The following SCG3 variants were observed in gnomAD, a reference collection of about 807,000 sequenced individuals.
SCG3 encodes secretogranin-3.
Under a neutral mutation model 56.2 loss-of-function variants are expected in SCG3, and 38 were observed. The observed-to-expected ratio is 0.68, with a 90% CI of 0.52 to 0.89. The LOEUF (loss-of-function observed/expected upper bound fraction) is 0.89, where lower values mean the gene tolerates loss of function less well. Among genes scored for constraint, SCG3 ranks in the 40% least tolerant of loss-of-function variants. The pLI is 0.00. For synonymous variants in SCG3, 176 were observed against 184.2 expected, an observed-to-expected ratio of 0.96 and a Z score of 0.36; for missense variants, 524 against 540.7, an observed-to-expected ratio of 0.97 and a Z score of 0.31.
chr15:51,712,174 G>T (rs1282944216), intron 10 of SCG3, among the ~76,000 whole-genome samples: 1 of 152,170 alleles, frequency 6.6e-6, no homozygotes, highest in Non-Finnish European at 1.5e-5. Flanking sequence ...ATGCATTTTG[G>T]AGCATAAAGC....
chr15:51,713,697 C>A (rs551653466), intron 11 of SCG3, among the ~76,000 whole-genome samples: 1 of 152,210 alleles, frequency 6.6e-6, no homozygotes, highest in Non-Finnish European at 1.5e-5. Context: ...GTCTCCAGCA[C>A]CCATCTTCAA....
chr15:51,690,158 T>A (rs1457345670), intron 6 of SCG3, among the ~76,000 whole-genome samples: 1 of 152,196 alleles, frequency 6.6e-6, no homozygotes, highest in Non-Finnish European at 1.5e-5. Flanking sequence ...TGCCTAATGC[T>A]GCCTCTCTGT....
At chr15:51,715,023 A>G (rs1454248579) in intron 11 of SCG3, 1 of 152,234 alleles carries the variant, frequency 6.6e-6, no homozygotes, top group Non-Finnish European at 1.5e-5. Flanking sequence ...ACTGTGTGCC[A>G]AAATACATCC....
chr15:51,691,791 G>C (rs752165122), intron 6 of SCG3, among the ~76,000 whole-genome samples: 8 of 152,094 alleles, frequency 5.3e-5, no homozygotes, highest in Non-Finnish European at 8.8e-5. Context: ...CAGCCCTCCT[G>C]GTGGATTCTG....
intron 5 of SCG3, 49 bp downstream of exon 5, chr15:51,688,451 T>C: frequency 6.4e-7 from 1 of 1,569,078 alleles, no homozygotes; most frequent in Non-Finnish European, 8.7e-7. Context: ...CAGTTTAGAG[T>C]ATGCCAAGAA....
At position 51,683,344 on chromosome 15, in the gene SCG3, T is replaced by C. The variant is rs1595826400; in HGVS notation, c.307T>C (p.Leu103=). The C allele has an allele frequency of 8.1e-6, 13 of 1,613,652 alleles. No homozygotes were observed. Among genetic ancestry groups the C allele is most frequent in the African/African-American group, 1.3e-5 (1 of 74,998 alleles). ...SIRSSPLDNK[L]NVEDVDSTKN... Reference sequence around the variant, plus strand: ...AAGAAGCTCCCCACTTGATAATAAGTTGAATGTGGAAGATGTTGATTCAAC... The same window carrying C: ...AAGAAGCTCCCCACTTGATAATAAGCTGAATGTGGAAGATGTTGATTCAAC... Residue 103 remains leucine (L), a synonymous_variant, in exon 4 of 12, where the codon TTG becomes CTG. Transcript: ENST00000220478.
At chr15:51,688,070 A>T (rs1190383122) in intron 4 of SCG3, among the ~76,000 whole-genome samples, 190 bp from the exon 5 acceptor site, 1 of 152,210 alleles carries the variant, frequency 6.6e-6, no homozygotes, top group Non-Finnish European at 1.5e-5. Context: ...AATGTCCATT[A>T]TCATACTAAG....
rs1164187893 is a variant in SCG3, at chr15:51,708,812, C to T, written c.1208-4521C>T. Among the ~76,000 whole-genome samples the T allele has an allele frequency of 4.0e-5, 6 of 151,702 alleles. 1 individual carries two copies. Among genetic ancestry groups the T allele is most frequent in the Admixed American group, 3.9e-4 (6 of 15,230 alleles). On this transcript the variant is annotated intron_variant, in intron 10 of 11. Transcript: ENST00000220478. ...AGGCGGAGTTTGCGGTGAGCCGAGA[C>T]TGCACCACTGCACTCCAGCCTGGGT...
intron 11 of SCG3, among the ~76,000 whole-genome samples, chr15:51,717,817 C>T (rs2055468049): frequency 6.6e-6 from 1 of 152,210 alleles, no homozygotes; most frequent in Non-Finnish European, 1.5e-5. Flanking sequence ...TTCATGGAGA[C>T]TTCATTGGAT....
At chr15:51,689,144 A>AT (rs2055249558) in intron 5 of SCG3, 75 bp from the exon 6 acceptor site, 1 of 1,437,124 alleles carries the variant, frequency 7.0e-7, no homozygotes, top group African/African-American at 1.4e-5. Context: ...GTTTGACTAC[A>AT]GTTTAGTCCA....
intron 10 of SCG3, among the ~76,000 whole-genome samples, chr15:51,711,733 C>CT (rs2055422152): frequency 6.6e-6 from 1 of 152,242 alleles, no homozygotes; most frequent in Admixed American, 6.5e-5. Context: ...AATCCTCCCT[C>CT]TTTGGCCTCC....
At chr15:51,704,105 G>T (rs894221277) in intron 10 of SCG3, among the ~76,000 whole-genome samples, 1 of 151,626 alleles carries the variant, frequency 6.6e-6, no homozygotes, top group African/African-American at 2.4e-5. Context: ...GGCAGAACTG[G>T]TGATATGTGT....
rs1428959095 is a variant in SCG3, at chr15:51,683,529, A to G, written c.397+95A>G. On this transcript the variant is annotated intron_variant, in intron 4 of 11. Transcript: ENST00000220478. ...TTTTAAAAATATCTTTTAAACATTC[A>G]TAATCCTTTATTAGTCAAGTCCAAA... 3.9e-6 allele frequency: 3 copies of G among 767,590 alleles called. No individual in the cohort carries two copies. The African/African-American group carries it at 5.3e-5, about 14-fold the overall frequency. 47.5% of individuals were successfully genotyped at this position (767,590 alleles called of 1,614,324 possible). A position where few individuals can be genotyped will look rare whatever the true frequency, so the allele number is the denominator to read the frequency against.
chr15:51,683,254 G>T lies in SCG3; in HGVS notation c.217G>T (p.Asp73Tyr), dbSNP rs1770900504. 2 of 1,613,602 alleles carry T rather than the reference G, an allele frequency of 1.2e-6. No homozygotes were observed. Among genetic ancestry groups the T allele is most frequent in the African/African-American group, 2.7e-5 (2 of 74,866 alleles). The change falls in exon 4 of 12, where the codon GAT becomes TAT. Residue 73 changes from aspartate to tyrosine, a missense_variant. By Grantham distance (160) the Asp-to-Tyr change is radical (BLOSUM62 -3). Coordinates refer to ENST00000220478, the MANE Select transcript of SCG3 (RefSeq NM_013243.4). ...AGGTCAGAGCAACTATTCTTTTGTT[G>T]ATAACTTGAACCTGCTAAAGGCAAT... The part of the protein sequence containing the change: ...KPGQSNYSFV[D>Y]NLNLLKAITE...
intron 11 of SCG3, among the ~76,000 whole-genome samples, chr15:51,715,652 C>G (rs765495100): frequency 9.2e-5 from 14 of 152,204 alleles, no homozygotes; most frequent in Non-Finnish European, 2.1e-4. Flanking sequence ...AAGATGGCTA[C>G]TGGCTTATGT....
intron 7 of SCG3, among the ~76,000 whole-genome samples, chr15:51,693,020 C>A (rs940326811): frequency 6.6e-6 from 1 of 151,970 alleles, no homozygotes; most frequent in Non-Finnish European, 1.5e-5. Context: ...AATTTCATAC[C>A]CTTTGACCAA....
chr15:51,685,285 C>G (rs1009232298), intron 4 of SCG3, among the ~76,000 whole-genome samples: 1 of 152,156 alleles, frequency 6.6e-6, no homozygotes, highest in African/African-American at 2.4e-5. Context: ...CAGATTCAAC[C>G]ACTTCAACTG....
At chr15:51,698,907 T>C (rs2055321427) in intron 8 of SCG3, among the ~76,000 whole-genome samples, 2 of 152,220 alleles carry the variant, frequency 1.3e-5, no homozygotes, top group African/African-American at 4.8e-5. Flanking sequence ...TTAGTCATTC[T>C]TGAGTTATTC....
rs1466212523 is a variant in SCG3, at chr15:51,681,828, G to A, written c.73G>A (p.Gly25Arg). Residue 25 changes from glycine (G) to arginine (R), a missense_variant, in exon 1 of 12, where the codon GGA becomes AGA. By Grantham distance (125) the Gly-to-Arg change is moderately radical. Transcript: ENST00000220478. ...LPIQAFPKPGGSQDKSLHNRE... is the reference protein window; with the variant it reads ...LPIQAFPKPGRSQDKSLHNRE... ...GATTCAAGCTTTCCCCAAACCTGGA[G>A]GAAGCCAAGGTATGTGAACACTTTT... 1.2e-6 allele frequency: 2 copies of A among 1,613,872 alleles called. No homozygotes were observed.
Sources: gnomAD v4.1 joint callset for allele counts (sites outside exome capture counted in the v4.1 genomes callset) on GRCh38, gnomAD v4.1.1 for gene constraint, MANE v1.5 for transcripts, NCBI Gene and HGNC (gene_info 2026-07-23, HGNC 2026-07-21) for gene names.